Variants in PTPRN2 observed in about 807,000 individuals in gnomAD.
PTPRN2 encodes protein tyrosine phosphatase receptor type N2.
A neutral mutation model predicts 118.8 loss-of-function variants in PTPRN2; 74 were observed. That is an observed-to-expected ratio of 0.62 (90% CI 0.52 to 0.76). The LOEUF (loss-of-function observed/expected upper bound fraction) is 0.76, where lower values mean the gene tolerates loss of function less well. Ranked by LOEUF, PTPRN2 falls within the 30% of genes least tolerant of loss-of-function variation. PTPRN2 has a pLI of 0.00. For synonymous variants in PTPRN2, 641 were observed against 608.0 expected (o/e 1.05, Z -0.80); for missense variants, 1,481 against 1,394.4 (o/e 1.06, Z -0.99).
At chr7:158,491,681 G>A (rs1416188699) in intron 1 of PTPRN2, among the ~76,000 whole-genome samples, 3 of 152,058 alleles carry the variant, frequency 2.0e-5, no homozygotes, top group African/African-American at 7.2e-5. Flanking sequence ...GTAGAGACGG[G>A]ATTTCACCAT....
chr7:158,317,616 C>T (rs1207796927), intron 2 of PTPRN2, among the ~76,000 whole-genome samples: 1 of 152,240 alleles, frequency 6.6e-6, no homozygotes, highest in Non-Finnish European at 1.5e-5. Flanking sequence ...AGACAAGCTT[C>T]CTGTGGGGTT....
intron 12 of PTPRN2, among the ~76,000 whole-genome samples, chr7:157,818,569 A>G (rs1806587078): frequency 6.6e-6 from 1 of 152,106 alleles, no homozygotes; most frequent in Non-Finnish European, 1.5e-5. Flanking sequence ...CCAGAAGGGC[A>G]GAGGCCACGA....
At chr7:158,222,514 AC>A (rs1325987389) in intron 3 of PTPRN2, among the ~76,000 whole-genome samples, 1 of 152,208 alleles carries the variant, frequency 6.6e-6, no homozygotes, top group Non-Finnish European at 1.5e-5. Flanking sequence ...ATAAGTGGAA[AC>A]TAAACACGGA....
chr7:157,564,227 G>A (rs1000664594), intron 21 of PTPRN2, among the ~76,000 whole-genome samples: 2 of 152,180 alleles, frequency 1.3e-5, no homozygotes, highest in African/African-American at 2.4e-5. Context: ...CGCCTCCCGG[G>A]TTCAAGTGAT....
In PTPRN2 at chr7:157,560,868, C is replaced by G. The variant is rs755388782; in HGVS notation, c.2902+8034G>C. Among the ~76,000 whole-genome samples, 1 of 152,178 alleles carries G rather than the reference C, an allele frequency of 6.6e-6. No individual in the cohort carries two copies. The highest frequency in any genetic ancestry group is 1.5e-5 in the Non-Finnish European group (1 of 68,030). ...GTTTCAGCCAAACATAAAAGCGAGA[C>G]GTCTCCTGCTCAGCTTTCCCAATTC... On this transcript the variant is annotated intron_variant, in intron 21 of 22. Transcript: ENST00000389418. The surrounding 1 kb of genome is among the most constrained non-coding windows in gnomAD (Gnocchi z 6.7).
At chr7:158,519,030 C>G (rs1466729415) in intron 1 of PTPRN2, among the ~76,000 whole-genome samples, 1 of 152,108 alleles carries the variant, frequency 6.6e-6, no homozygotes, top group Non-Finnish European at 1.5e-5. Context: ...TCCAGGATGC[C>G]CATCATCCTG....
Position 158,438,736 on chromosome 7 carries a change from C to T in PTPRN2, c.163+50999G>A, listed in dbSNP as rs921166553. ...CTGATTAGCATATAGGGTTTAGTGA[C>T]ATTTCCACTGATAGTGACTTCCTCA... On this transcript the variant is annotated intron_variant, in intron 2 of 22. Coordinates refer to ENST00000389418, the MANE Select transcript of PTPRN2 (RefSeq NM_002847.5). This position sits in a 1 kb window ranked among gnomAD's most constrained non-coding sequence, Gnocchi z 4.7. Among the ~76,000 whole-genome samples, 1 of 152,198 alleles carries T rather than the reference C, an allele frequency of 6.6e-6. No individual in the cohort carries two copies. Among genetic ancestry groups the T allele is most frequent in the Admixed American group, 6.5e-5 (1 of 15,286 alleles).
intron 2 of PTPRN2, among the ~76,000 whole-genome samples, chr7:158,468,834 T>G (rs1819570780): frequency 1.8e-5 from 2 of 112,798 alleles, no homozygotes; most frequent in Non-Finnish European, 1.9e-5. Context: ...CGATCAACAA[T>G]GTGCACACCC....
chr7:157,731,134 C>T (rs1359741207), intron 12 of PTPRN2, among the ~76,000 whole-genome samples: 2 of 152,122 alleles, frequency 1.3e-5, no homozygotes, highest in Non-Finnish European at 2.9e-5. Flanking sequence ...CTCTGCGCTG[C>T]CCCCACTGAG....
intron 10 of PTPRN2, among the ~76,000 whole-genome samples, chr7:158,099,063 T>C (rs1316029204): frequency 4.0e-4 from 5 of 12,360 alleles, no homozygotes; most frequent in African/African-American, 2.1e-3. Flanking sequence ...CTGCCTCCCC[T>C]TCCTCCCCCA....
intron 1 of PTPRN2, among the ~76,000 whole-genome samples, chr7:158,542,525 G>C (rs1308211650): frequency 6.6e-6 from 1 of 152,150 alleles, no homozygotes; most frequent in African/African-American, 2.4e-5. Context: ...ATCAGTTATG[G>C]GAAAGAAGGA....
intron 12 of PTPRN2, among the ~76,000 whole-genome samples, chr7:157,685,318 A>G (rs1797129828): frequency 6.6e-6 from 1 of 151,854 alleles, no homozygotes; most frequent in South Asian, 2.1e-4. Flanking sequence ...GCCCGGGAAC[A>G]GGGACTTCCC....
At chr7:157,776,389 C>A (rs545521899) in intron 12 of PTPRN2, among the ~76,000 whole-genome samples, 2 of 108,146 alleles carry the variant, frequency 1.8e-5, no homozygotes, top group East Asian at 5.7e-4. Context: ...TCACTCTCCT[C>A]CTCCTCCATC....
At chr7:157,811,095 C>A (rs2151116895) in intron 12 of PTPRN2, among the ~76,000 whole-genome samples, 1 of 151,744 alleles carries the variant, frequency 6.6e-6, no homozygotes, top group Non-Finnish European at 1.5e-5. Flanking sequence ...CACAGTGAAA[C>A]CCCATCTCTA....
At chr7:158,400,990 G>A (rs1177330786) in intron 2 of PTPRN2, among the ~76,000 whole-genome samples, 2 of 152,140 alleles carry the variant, frequency 1.3e-5, no homozygotes, top group Admixed American at 6.5e-5. Flanking sequence ...CCCCGACTGC[G>A]GTGGGCCCTG....
chr7:157,844,758 G>A (rs1408813531), intron 12 of PTPRN2, among the ~76,000 whole-genome samples: 3 of 152,206 alleles, frequency 2.0e-5, no homozygotes, highest in Non-Finnish European at 4.4e-5. Context: ...CTCAGGACTG[G>A]TGCAGGTCAG....
At chr7:157,820,116 C>A (rs1372910920) in intron 12 of PTPRN2, among the ~76,000 whole-genome samples, 1 of 151,530 alleles carries the variant, frequency 6.6e-6, no homozygotes, top group African/African-American at 2.4e-5. Flanking sequence ...CTCACACATG[C>A]ACTCCACATA....
chr7:157,571,208 A>T (rs1347985377), intron 20 of PTPRN2, among the ~76,000 whole-genome samples: 1 of 151,642 alleles, frequency 6.6e-6, no homozygotes, highest in South Asian at 2.1e-4. Flanking sequence ...GAGTTAAAAA[A>T]AAAAAAAAAA....
chr7:157,759,585 G>A (rs987194851), intron 12 of PTPRN2, among the ~76,000 whole-genome samples: 1 of 152,170 alleles, frequency 6.6e-6, no homozygotes, highest in Admixed American at 6.5e-5. Flanking sequence ...AATGGAAGAC[G>A]GACACGTGTG....
Sources: gnomAD v4.1 joint callset for allele counts (sites outside exome capture counted in the v4.1 genomes callset) on GRCh38, gnomAD v4.1.1 for gene constraint, Gnocchi (gnomAD v3.1) non-coding constraint, MANE v1.5 for transcripts, NCBI Gene and HGNC (gene_info 2026-07-23, HGNC 2026-07-21) for gene names.